Variants in DOCK8 observed in about 807,000 individuals in gnomAD.
DOCK8 encodes the protein dedicator of cytokinesis protein 8.
A neutral mutation model predicts 245.6 loss-of-function variants in DOCK8; 141 were observed. That is an observed-to-expected ratio of 0.57 (90% CI 0.50 to 0.66). DOCK8 has a LOEUF of 0.66. Ranked by LOEUF, DOCK8 falls within the 30% of genes least tolerant of loss-of-function variation. DOCK8 has a pLI of 0.00. For synonymous variants in DOCK8, 1,168 were observed against 970.2 expected, an observed-to-expected ratio of 1.20 and a Z score of -3.79; for missense variants, 2,965 against 2,603.4, an observed-to-expected ratio of 1.14 and a Z score of -3.02.
chr9:286,782 C>A, intron 3 of DOCK8, 146 bp downstream of exon 3: 1 of 824,324 alleles, frequency 1.2e-6, no homozygotes, highest in Non-Finnish European at 2.0e-6. Flanking sequence ...TATATGATAT[C>A]ATCATGTAAG....
chr9:373,179 TAAA>T (rs1210562060), intron 18 of DOCK8, among the ~76,000 whole-genome samples: 2 of 151,538 alleles, frequency 1.3e-5, no homozygotes, highest in Non-Finnish European at 2.9e-5. Flanking sequence ...AATAAATAAA[TAAA>T]AAATAAATAA....
chr9:237,975 C>G (rs1052516574), intron 1 of DOCK8, among the ~76,000 whole-genome samples: 1 of 152,144 alleles, frequency 6.6e-6, no homozygotes, highest in East Asian at 1.9e-4. Context: ...TGTGGAATAG[C>G]TGAGTTATAG....
At chr9:297,066 G>T (rs1244412931) in intron 4 of DOCK8, among the ~76,000 whole-genome samples, 1 of 152,114 alleles carries the variant, frequency 6.6e-6, no homozygotes, top group African/African-American at 2.4e-5. Flanking sequence ...TTGTTCTGAT[G>T]CACCTTATGA....
intron 1 of DOCK8, among the ~76,000 whole-genome samples, chr9:239,443 G>A (rs1328950426): frequency 1.3e-5 from 2 of 152,140 alleles, no homozygotes; most frequent in Non-Finnish European, 2.9e-5. Context: ...CTTAAGTAAT[G>A]TATGCAATAT....
intron 18 of DOCK8, among the ~76,000 whole-genome samples, chr9:374,453 G>GTTTTT (rs762085208): frequency 3.1e-4 from 23 of 75,354 alleles, no homozygotes; most frequent in Admixed American, 6.3e-4. Context: ...GTCCTTTTGT[G>GTTTTT]TTTTTTTTTT....
At chr9:235,151 C>T (rs2047215168) in intron 1 of DOCK8, among the ~76,000 whole-genome samples, 1 of 152,174 alleles carries the variant, frequency 6.6e-6, no homozygotes, top group Non-Finnish European at 1.5e-5. Flanking sequence ...TTGGAGTTTG[C>T]TAGAGGTCCA....
At chr9:304,994 C>A (rs964647604) in intron 5 of DOCK8, among the ~76,000 whole-genome samples, 1 of 152,198 alleles carries the variant, frequency 6.6e-6, no homozygotes, top group Non-Finnish European at 1.5e-5. Flanking sequence ...TGCAGAGACT[C>A]TTGGTGCCCC....
At chr9:257,828 T>C (rs2047816843) in intron 1 of DOCK8, among the ~76,000 whole-genome samples, 1 of 152,198 alleles carries the variant, frequency 6.6e-6, no homozygotes, top group Admixed American at 6.5e-5. Flanking sequence ...GGAGGGCTTG[T>C]GAAAACACAG....
chr9:411,660 G>C (rs1366723693), intron 28 of DOCK8, among the ~76,000 whole-genome samples: 1 of 152,068 alleles, frequency 6.6e-6, no homozygotes, highest in Non-Finnish European at 1.5e-5. Context: ...CTACAGGCCA[G>C]TATCTGATGA....
chr9:318,408 G>A (rs982912200), intron 7 of DOCK8, among the ~76,000 whole-genome samples: 6 of 152,182 alleles, frequency 3.9e-5, no homozygotes, highest in Admixed American at 6.5e-5. Context: ...ACTTCCCTGG[G>A]ATTTTGAGTT....
chr9:386,465 G>A, intron 23 of DOCK8, 39 bp downstream of exon 23: 1 of 1,571,046 alleles, frequency 6.4e-7, no homozygotes, highest in Non-Finnish European at 8.7e-7. Context: ...CCCAGGATAA[G>A]AACAGAAGGA....
intron 30 of DOCK8, 64 bp from the exon 31 acceptor site, chr9:420,337 C>T (rs1182995759): frequency 1.3e-6 from 2 of 1,576,736 alleles, no homozygotes; most frequent in African/African-American, 2.7e-5. Context: ...GACTGTTAAG[C>T]CTCAAATTTT....
chr9:434,663 C>G (rs2056834019), intron 38 of DOCK8, 120 bp from the exon 39 acceptor site: 2 of 998,638 alleles, frequency 2.0e-6, no homozygotes, highest in Non-Finnish European at 3.0e-6. Context: ...AGGGCAAAAT[C>G]TCAGGTGGAG....
chr9:300,663 CACT>C (rs1410561431), intron 4 of DOCK8, among the ~76,000 whole-genome samples: 1 of 151,724 alleles, frequency 6.6e-6, no homozygotes, highest in African/African-American at 2.4e-5. Context: ...ACAAAAATGA[CACT>C]ACAACTGATG....
In DOCK8 at chr9:465,192, T is replaced by C. The variant is rs564907902; in HGVS notation, c.*973T>C. On this transcript the variant is annotated 3_prime_UTR_variant, in exon 48 of 48. Coordinates refer to ENST00000432829, the MANE Select transcript of DOCK8 (RefSeq NM_203447.4). The stretch of plus-strand genomic sequence containing the variant: ...AAGACATTATTTGAGAATTAAATTA[T>C]ATATTTTTAATATGACTGTGACCTT... 2.0e-5 allele frequency: 3 copies of C among 152,816 alleles called. No individual in the cohort carries two copies. The highest frequency in any genetic ancestry group is 3.9e-4 in the East Asian group (2 of 5,192). 9.5% of individuals were successfully genotyped at this position (152,816 alleles called of 1,614,324 possible). A position where few individuals can be genotyped will look rare whatever the true frequency, so the allele number is the denominator to read the frequency against.
At chr9:307,338 GTTTTTTTTTTTTTTTTTTTTTTT>G (rs1165775428) in intron 5 of DOCK8, among the ~76,000 whole-genome samples, 2 of 51,218 alleles carry the variant, frequency 3.9e-5, no homozygotes, top group South Asian at 7.3e-4. Context: ...GGTTTTTTTT[GTTTTTTTTTTTTTTTTTTTTTTT>G]TTTTTTTTTT....
intron 22 of DOCK8, 108 bp from the exon 23 acceptor site, chr9:386,222 AG>A: frequency 1.1e-6 from 1 of 913,974 alleles, no homozygotes; most frequent in Non-Finnish European, 1.7e-6. Context: ...CTTTGTAACC[AG>A]GAAAAAAAAT....
intron 4 of DOCK8, among the ~76,000 whole-genome samples, chr9:299,324 G>A (rs2049418349): frequency 6.6e-6 from 1 of 152,174 alleles, no homozygotes; most frequent in Non-Finnish European, 1.5e-5. Context: ...TAAAATCCGT[G>A]TGAGAATTTC....
At chr9:386,485 G>T (rs1336325739) in intron 23 of DOCK8, 59 bp downstream of exon 23, 7 of 1,458,396 alleles carry the variant, frequency 4.8e-6, no homozygotes, top group Non-Finnish European at 6.7e-6. Context: ...ATTTCCTCAT[G>T]CCCTCACACT....
Sources: allele counts gnomAD v4.1 joint callset (sites outside exome capture counted in the v4.1 genomes callset), GRCh38; gene constraint gnomAD v4.1.1; transcripts MANE v1.5; gene names NCBI Gene and HGNC (gene_info 2026-07-23, HGNC 2026-07-21).